Variants in CYP27A1 observed in about 807,000 individuals in gnomAD.
CYP27A1 encodes sterol 26-hydroxylase, mitochondrial.
In CYP27A1, 46 loss-of-function variants were observed where a neutral mutation model predicts 58.2. The observed-to-expected ratio is 0.79, with a 90% CI of 0.62 to 1.01. CYP27A1 has a LOEUF of 1.01. Among genes scored for constraint, CYP27A1 ranks in the 50% least tolerant of loss-of-function variants. The pLI is 0.00. For synonymous variants in CYP27A1, 274 were observed against 285.1 expected (o/e 0.96, Z 0.39); for missense variants, 704 against 687.0 (o/e 1.02, Z -0.28).
chr2:218,797,354 C>T (rs530373479), intron 1 of CYP27A1, among the ~76,000 whole-genome samples: 1 of 152,278 alleles, frequency 6.6e-6, no homozygotes, highest in East Asian at 1.9e-4. Context: ...ACCTACCTTG[C>T]CTCCCAAAGT....
At chr2:218,803,525 G>A (rs1943619898) in intron 1 of CYP27A1, among the ~76,000 whole-genome samples, 1 of 152,020 alleles carries the variant, frequency 6.6e-6, no homozygotes, top group African/African-American at 2.4e-5. Context: ...CCAGGTTCAA[G>A]CAATTCTTCT....
chr2:218,790,340 C>T (rs571021777), intron 1 of CYP27A1, among the ~76,000 whole-genome samples: 1 of 152,280 alleles, frequency 6.6e-6, no homozygotes, highest in South Asian at 2.1e-4. Context: ...CAGTGCACCA[C>T]GGAGACTACT....
intron 2 of CYP27A1, among the ~76,000 whole-genome samples, chr2:218,811,350 C>T (rs1438225573): frequency 2.0e-5 from 3 of 152,098 alleles, no homozygotes. Flanking sequence ...ATTTTGTCTC[C>T]TCTTAAAATT....
Position 218,814,954 on chromosome 2 carries a change from A to T in CYP27A1, c.1520A>T (p.Glu507Val), listed in dbSNP as rs767162764. Residue 507 changes from glutamate (E) to valine (V), a missense_variant, in exon 9 of 9, where the codon GAG (glutamate) becomes GTG (valine). Transcript: ENST00000258415. Reference protein sequence around the residue: ...YKVVLAPETGELKSVARIVLV... With the variant: ...YKVVLAPETGVLKSVARIVLV... ...GTGGTCCTGGCCCCGGAGACGGGGG[A>T]GTTGAAGAGTGTGGCCCGCATTGTC... is the stretch of plus-strand genomic sequence containing the variant. 1.2e-6 allele frequency: 2 copies of T among 1,614,050 alleles called. No homozygotes were observed. The highest frequency in any genetic ancestry group is 2.7e-5 in the African/African-American group (2 of 75,002).
rs57956133 is a variant in CYP27A1 at position 218,809,442 on chromosome 2, CTTTTTTTTT to C, written c.256-121_256-113del. ...TGGTGCCTACATCATACACAATGCC[CTTTTTTTTT>C]TTTTTTTTTTTTTGCCCAGCTCATT... On this transcript the variant is annotated intron_variant, in intron 1 of 8. Coordinates refer to ENST00000258415, the MANE Select transcript of CYP27A1 (RefSeq NM_000784.4). The C allele has an allele frequency of 3.5e-5, 13 of 370,560 alleles. No individual in the cohort carries two copies. The East Asian group carries it at 4.1e-4, about 12-fold the overall frequency. The allele number at this position is 370,560 out of a possible 1,614,324, so 23.0% of individuals were successfully genotyped here. A position where few individuals can be genotyped will look rare whatever the true frequency, so the allele number is the denominator to read the frequency against.
intron 6 of CYP27A1, 23 bp from the exon 7 acceptor site, chr2:218,814,357 T>C: frequency 6.2e-7 from 1 of 1,612,552 alleles, no homozygotes; most frequent in Non-Finnish European, 8.5e-7. Flanking sequence ...CAGAGCAGAC[T>C]CCAGACATTC....
rs73991002 is a variant in CYP27A1 at position 218,814,242 on chromosome 2, A to C, written c.1184+55A>C. 0.015 allele frequency: 24,080 copies of C among 1,612,424 alleles called. 2,668 individuals carry two copies. In the African/African-American group the frequency reaches 0.26, roughly 17 times the overall value. ...AGGATCTCTTTGTGGGGAGGGAATC[A>C]GAGGAGGAAATCTGAAGTGAAGACA... On this transcript the variant is annotated intron_variant, in intron 6 of 8. Transcript: ENST00000258415.
chr2:218,799,271 A>G (rs1424581716), intron 1 of CYP27A1, among the ~76,000 whole-genome samples: 1 of 152,126 alleles, frequency 6.6e-6, no homozygotes, highest in African/African-American at 2.4e-5. Context: ...CGGTGAAGCC[A>G]GCAGACTTCA....
At chr2:218,785,859 A>T (rs779232496) in intron 1 of CYP27A1, among the ~76,000 whole-genome samples, 2 of 152,230 alleles carry the variant, frequency 1.3e-5, no homozygotes, top group Non-Finnish European at 2.9e-5. Flanking sequence ...CTCACTTTGT[A>T]TCAGAATTTG....
intron 5 of CYP27A1, among the ~76,000 whole-genome samples, chr2:218,813,532 TCTC>T (rs1312112880): frequency 6.6e-6 from 1 of 152,130 alleles, no homozygotes; most frequent in African/African-American, 2.4e-5. Flanking sequence ...TGCAAGCAAT[TCTC>T]CTGCCTCAGC....
At chr2:218,808,241 A>G (rs1943671388) in intron 1 of CYP27A1, among the ~76,000 whole-genome samples, 1 of 152,238 alleles carries the variant, frequency 6.6e-6, no homozygotes, top group Admixed American at 6.5e-5. Context: ...GAAAATAGGC[A>G]TATTCACTGC....
rs144345220 is a variant in CYP27A1 at position 218,809,685 on chromosome 2, G to A, written c.364G>A (p.Gly122Ser). Residue 122 changes from glycine (G) to serine (S), a missense_variant, in exon 2 of 9, where the codon GGC becomes AGC. Gly to Ser is a moderately conservative substitution (Grantham distance 56). Coordinates refer to ENST00000258415, the MANE Select transcript of CYP27A1 (RefSeq NM_000784.4). The stretch of plus-strand genomic sequence containing the variant: ...CTTGGAGCAAGTGATGCGGCAAGAG[G>A]GCAAGTACCCAGTACGGAACGACAT... ...PLLEQVMRQEGKYPVRNDMEL... is the reference protein window; with the variant it reads ...PLLEQVMRQESKYPVRNDMEL... The A allele has an allele frequency of 1.2e-6, 2 of 1,614,132 alleles. No homozygotes were observed. The highest frequency in any genetic ancestry group is 2.2e-5 in the East Asian group (1 of 44,878).
At chr2:218,793,935 G>C (rs769975493) in intron 1 of CYP27A1, among the ~76,000 whole-genome samples, 16 of 152,040 alleles carry the variant, frequency 1.1e-4, no homozygotes, top group South Asian at 2.1e-4. Flanking sequence ...GCTGTTGTAG[G>C]ACTTTCTTCT....
chr2:218,800,268 C>T (rs1174537301), intron 1 of CYP27A1, among the ~76,000 whole-genome samples: 1 of 152,040 alleles, frequency 6.6e-6, no homozygotes, highest in East Asian at 1.9e-4. Context: ...ACAGGGCAAT[C>T]AGTCTTCAAG....
intron 1 of CYP27A1, among the ~76,000 whole-genome samples, chr2:218,801,164 A>G (rs1378839406): frequency 1.3e-5 from 2 of 152,198 alleles, no homozygotes; most frequent in African/African-American, 4.8e-5. Flanking sequence ...TCTTCCAGAA[A>G]AGTTACAAAG....
At chr2:218,801,005 A>G (rs1397702355) in intron 1 of CYP27A1, among the ~76,000 whole-genome samples, 2 of 152,160 alleles carry the variant, frequency 1.3e-5, no homozygotes, top group Non-Finnish European at 2.9e-5. Flanking sequence ...TAGATTTTTT[A>G]TGTATAAAGC....
intron 1 of CYP27A1, among the ~76,000 whole-genome samples, chr2:218,800,845 A>G (rs953984270): frequency 2.6e-5 from 4 of 152,170 alleles, no homozygotes; most frequent in Non-Finnish European, 5.9e-5. Flanking sequence ...AAAGCATACC[A>G]TATGCTCTCT....
intron 1 of CYP27A1, among the ~76,000 whole-genome samples, chr2:218,800,894 A>G (rs1943593570): frequency 6.6e-6 from 1 of 152,252 alleles, no homozygotes; most frequent in Non-Finnish European, 1.5e-5. Context: ...AAATATGAAT[A>G]TCTTTTTCAA....
At chr2:218,786,065 T>C (rs762125717) in intron 1 of CYP27A1, among the ~76,000 whole-genome samples, 1 of 152,170 alleles carries the variant, frequency 6.6e-6, no homozygotes, top group Non-Finnish European at 1.5e-5. Context: ...GGCAGAAGGA[T>C]CCCTTGAGTT....
Sources: allele counts gnomAD v4.1 joint callset (sites outside exome capture counted in the v4.1 genomes callset), GRCh38; gene constraint gnomAD v4.1.1; transcripts MANE v1.5; gene names NCBI Gene and HGNC (gene_info 2026-07-23, HGNC 2026-07-21).